Variants in WAPL observed in about 807,000 individuals in gnomAD.
WAPL encodes the protein wings apart-like protein homolog.
In WAPL, 5 loss-of-function variants were observed where a neutral mutation model predicts 121.0. The observed-to-expected ratio is 0.04, with a 90% CI of 0.02 to 0.09. The LOEUF is 0.09. WAPL is among the 10% of genes least tolerant of loss of function. WAPL has a pLI of 1.00. For missense variants in WAPL, 999 were observed against 1,410.8 expected (o/e 0.71, Z 4.68); for synonymous variants, 480 against 481.5 (o/e 1.00, Z 0.04).
chr10:86,476,771 T>G (rs1226143693), intron 4 of WAPL, among the ~76,000 whole-genome samples: 1 of 151,890 alleles, frequency 6.6e-6, no homozygotes, highest in Admixed American at 6.6e-5. Flanking sequence ...GGTTTAAGTC[T>G]AACACATTCG....
intron 3 of WAPL, among the ~76,000 whole-genome samples, chr10:86,499,456 C>T (rs2132220338): frequency 6.6e-6 from 1 of 152,242 alleles, no homozygotes; most frequent in African/African-American, 2.4e-5. Context: ...CCTGTATATA[C>T]TATGTTTTTT....
At chr10:86,493,273 A>G (rs964166966) in intron 4 of WAPL, among the ~76,000 whole-genome samples, 6 of 152,098 alleles carry the variant, frequency 3.9e-5, no homozygotes, top group African/African-American at 1.4e-4. Context: ...CAGGTATGAG[A>G]CCTTTTTCTT....
chr10:86,512,439 A>G (rs1409738529), intron 2 of WAPL, among the ~76,000 whole-genome samples: 4 of 152,380 alleles, frequency 2.6e-5, no homozygotes, highest in Non-Finnish European at 4.4e-5. Context: ...ACTTTATTCT[A>G]GAGTCCAGAT....
chr10:86,485,097 C>A (rs1303340607), intron 4 of WAPL, among the ~76,000 whole-genome samples: 1 of 149,862 alleles, frequency 6.7e-6, no homozygotes, highest in Admixed American at 6.6e-5. Flanking sequence ...ACCCCTACCC[C>A]CCTCCTTCCC....
chr10:86,441,799 C>T (rs886438931), intron 17 of WAPL, among the ~76,000 whole-genome samples: 2 of 151,888 alleles, frequency 1.3e-5, no homozygotes, highest in Admixed American at 6.6e-5. Context: ...CCCAGGAGTT[C>T]GAGACCGGCC....
At position 86,458,973 on chromosome 10, in the gene WAPL, TAAAC is replaced by T. The variant is rs746007058; in HGVS notation, c.2657+12_2657+15del. 109 of 1,583,338 alleles carry T rather than the reference TAAAC, an allele frequency of 6.9e-5. No homozygotes were observed. The highest frequency in any genetic ancestry group is 9.1e-5 in the Non-Finnish European group (105 of 1,160,100). On this transcript the variant is annotated intron_variant, in intron 12 of 18. Transcript: ENST00000298767. ...AGTAACAATGTTAGTTGTTAACTAATAAACAAAAAACTTACTTAGCTGATGAAAC... is the reference window on the plus strand; with the variant it reads ...AGTAACAATGTTAGTTGTTAACTAATAAAAAACTTACTTAGCTGATGAAAC...
At chr10:86,491,431 G>A (rs570887683) in intron 4 of WAPL, among the ~76,000 whole-genome samples, 7 of 152,024 alleles carry the variant, frequency 4.6e-5, no homozygotes, top group South Asian at 2.1e-4. Flanking sequence ...GAGCCACCAC[G>A]CCCGGCATGG....
In WAPL at chr10:86,472,454, C is replaced by T; in HGVS notation, c.1894-110G>A. On this transcript the variant is annotated intron_variant, in intron 6 of 18. Coordinates refer to ENST00000298767, the MANE Select transcript of WAPL (RefSeq NM_015045.5). The surrounding 1 kb of genome is among the most constrained non-coding windows in gnomAD (Gnocchi z 4.2). ...CATAAAATAGTTCATTAGATGGCAA[C>T]AAAAATATTTTTAGAACAAGGATGA... is the stretch of plus-strand genomic sequence containing the variant. 6.7e-7 allele frequency: 1 copy of T among 1,501,280 alleles called. No individual in the cohort carries two copies. Among genetic ancestry groups the T allele is most frequent in the Non-Finnish European group, 8.9e-7 (1 of 1,121,502 alleles). 93.0% of individuals were successfully genotyped at this position (1,501,280 alleles called of 1,614,324 possible). A position where few individuals can be genotyped will look rare whatever the true frequency, so the allele number is the denominator to read the frequency against.
intron 2 of WAPL, among the ~76,000 whole-genome samples, chr10:86,503,905 C>A (rs1391650979): frequency 6.6e-6 from 1 of 152,226 alleles, no homozygotes; most frequent in African/African-American, 2.4e-5. Context: ...CACAATGGCT[C>A]AGGCCTATAA....
intron 9 of WAPL, among the ~76,000 whole-genome samples, chr10:86,465,018 T>C (rs540683977): frequency 6.6e-6 from 1 of 152,264 alleles, no homozygotes; most frequent in East Asian, 1.9e-4. Flanking sequence ...TGCTCTCCCA[T>C]CCTCCACCAT....
chr10:86,485,993 C>T (rs909753321), intron 4 of WAPL, among the ~76,000 whole-genome samples: 2 of 152,246 alleles, frequency 1.3e-5, no homozygotes, highest in African/African-American at 2.4e-5. Context: ...TTGGATCACC[C>T]ACCCAGGAGC....
intron 4 of WAPL, among the ~76,000 whole-genome samples, chr10:86,485,285 G>A (rs1841904535): frequency 6.6e-6 from 1 of 152,074 alleles, no homozygotes; most frequent in Admixed American, 6.5e-5. Context: ...GCTCACATCT[G>A]TAATCCCAGC....
chr10:86,436,750 G>C lies in WAPL; in HGVS notation c.*793C>G, dbSNP rs1028831462. On this transcript the variant is annotated 3_prime_UTR_variant, in exon 19 of 19. Coordinates refer to ENST00000298767, the MANE Select transcript of WAPL (RefSeq NM_015045.5). ...CCTAGCATTAAGTGTAAACTACCCT[G>C]GGTTTGACTATTTTGCCTCCTCCTT... The C allele has an allele frequency of 2.6e-5, 4 of 152,526 alleles. No individual in the cohort carries two copies. The highest frequency in any genetic ancestry group is 9.7e-5 in the African/African-American group (4 of 41,394). The allele number at this position is 152,526 out of a possible 1,614,324, so 9.4% of individuals were successfully genotyped here. A position where few individuals can be genotyped will look rare whatever the true frequency, so the allele number is the denominator to read the frequency against.
At chr10:86,478,505 T>G (rs1460771947) in intron 4 of WAPL, among the ~76,000 whole-genome samples, 1 of 152,136 alleles carries the variant, frequency 6.6e-6, no homozygotes, top group Non-Finnish European at 1.5e-5. Flanking sequence ...AAGCAAAAAG[T>G]TCATAATAAT....
At position 86,499,856 on chromosome 10, in the gene WAPL, C is replaced by T; in HGVS notation, c.1387G>A (p.Asp463Asn). The T allele has an allele frequency of 6.2e-7, 1 of 1,613,992 alleles. No individual in the cohort carries two copies. The highest frequency in any genetic ancestry group is 8.5e-7 in the Non-Finnish European group (1 of 1,179,980). The change falls in exon 3 of 19, where the codon GAT becomes AAT. Residue 463 changes from aspartate to asparagine, a missense_variant. Coordinates refer to ENST00000298767, the MANE Select transcript of WAPL (RefSeq NM_015045.5). The stretch of plus-strand genomic sequence containing the variant: ...ACTTGACAGTCATCATCTTCATCAT[C>T]TTCGCTTTCACTGAGATCATCAAAG... ...FGFDDLSESE[D>N]DEDDDCQVER...
chr10:86,502,528 ATTGT>A (rs540743834), intron 2 of WAPL, among the ~76,000 whole-genome samples: 1 of 152,202 alleles, frequency 6.6e-6, no homozygotes, highest in African/African-American at 2.4e-5. Context: ...CTGGCAATGA[ATTGT>A]TTGTTGAAGA....
Position 86,453,242 on chromosome 10 carries a change from T to C in WAPL, c.2927A>G (p.Gln976Arg). Residue 976 changes from glutamine (Q) to arginine (R), a missense_variant, in exon 14 of 19, where the codon CAG becomes CGG. Gln to Arg is a conservative substitution (Grantham distance 43, BLOSUM62 1). This residue lies in a region of WAPL where 85 missense variants were observed against 133.5 expected (regional missense o/e 0.64). Coordinates refer to ENST00000298767, the MANE Select transcript of WAPL (RefSeq NM_015045.5). ...TACCAGCACTCGAATATCAAATCTCTGCTCCTGAGGTAGGTACTTTGGAAC... is the reference window on the plus strand; with the variant it reads ...TACCAGCACTCGAATATCAAATCTCCGCTCCTGAGGTAGGTACTTTGGAAC... Reference protein sequence around the residue: ...LQVPKYLPQEQRFDIRVLGLG... With the variant: ...LQVPKYLPQERRFDIRVLGLG... 6.2e-7 allele frequency: 1 copy of C among 1,614,112 alleles called. No individual in the cohort carries two copies. Among genetic ancestry groups the C allele is most frequent in the Non-Finnish European group, 8.5e-7 (1 of 1,180,004 alleles).
intron 12 of WAPL, among the ~76,000 whole-genome samples, chr10:86,454,910 C>G (rs1356793106): frequency 2.0e-5 from 3 of 147,230 alleles, no homozygotes; most frequent in Non-Finnish European, 4.5e-5. Context: ...AGGTGAGGAG[C>G]GTCTCTGCCC....
At position 86,437,382 on chromosome 10, in the gene WAPL, C is replaced by T. The variant is rs1849349882; in HGVS notation, c.*161G>A. 9 of 623,102 alleles carry T rather than the reference C, an allele frequency of 1.4e-5. No homozygotes were observed. The highest frequency in any genetic ancestry group is 6.8e-5 in the Admixed American group (2 of 29,306). 38.6% of individuals were successfully genotyped at this position (623,102 alleles called of 1,614,324 possible). A position where few individuals can be genotyped will look rare whatever the true frequency, so the allele number is the denominator to read the frequency against. ...GTAGTAACTGTCATTTAGCAAATGC[C>T]GAATGCATGACGAAGAAATCAGGTG... On this transcript the variant is annotated 3_prime_UTR_variant, in exon 19 of 19. Transcript: ENST00000298767.
Sources: gnomAD v4.1 joint callset for allele counts (sites outside exome capture counted in the v4.1 genomes callset) on GRCh38, gnomAD v4.1.1 for gene constraint, gnomAD v4.1.1 regional missense constraint, Gnocchi (gnomAD v3.1) non-coding constraint, MANE v1.5 for transcripts, NCBI Gene and HGNC (gene_info 2026-07-23, HGNC 2026-07-21) for gene names.